ANXA11: variants seen among roughly 807,000 people sequenced by gnomAD.
ANXA11 encodes the protein annexin A11, also known as 56 kDa autoantigen.
Under a neutral mutation model 64.7 loss-of-function variants are expected in ANXA11, and 57 were observed. The ratio of observed to expected loss-of-function variants is 0.88; its 90% CI spans 0.71 to 1.10. ANXA11 has a LOEUF of 1.10. Ranked by LOEUF, ANXA11 falls within the 50% of genes least tolerant of loss-of-function variation. ANXA11 has a pLI of 0.00. For missense variants in ANXA11, 675 were observed against 670.7 expected (o/e 1.01, Z -0.07); for synonymous variants, 260 against 265.2 (o/e 0.98, Z 0.19).
chr10:80,152,423 T>C lies in ANXA11; in HGVS notation c.*3430A>G, dbSNP rs751740. The C allele has an allele frequency of 0.48, 72,660 of 152,202 alleles. 17,556 individuals carry two copies. Among genetic ancestry groups the C allele is most frequent in the South Asian group, 0.6 (2,901 of 4,822 alleles). 9.4% of individuals were successfully genotyped at this position (152,202 alleles called of 1,614,324 possible). The stretch of plus-strand genomic sequence containing the variant: ...GCCCATACTTAACATGGGTTGGATC[T>C]CTTGGGAGTGACCATGAGGGCAGCG... On this transcript the variant is annotated 3_prime_UTR_variant, in exon 16 of 16. Transcript: ENST00000422982.
intron 8 of ANXA11, among the ~76,000 whole-genome samples, chr10:80,165,607 G>A (rs61860024): frequency 0.11 from 17,203 of 152,194 alleles, 1,196 homozygotes; most frequent in South Asian, 0.24. Context: ...CGGGCGCTCA[G>A]GAGAGACAGA....
chr10:80,167,581 A>T (rs1845798461), intron 5 of ANXA11, among the ~76,000 whole-genome samples: 1 of 152,162 alleles, frequency 6.6e-6, no homozygotes, highest in South Asian at 2.1e-4. Context: ...AAATCTGCCC[A>T]GTGCCCAGGT....
chr10:80,189,079 G>A (rs1846663901), intron 1 of ANXA11, among the ~76,000 whole-genome samples: 1 of 152,178 alleles, frequency 6.6e-6, no homozygotes, highest in Non-Finnish European at 1.5e-5. Context: ...GTGGCAAAAG[G>A]GACTGTCCTG....
intron 1 of ANXA11, among the ~76,000 whole-genome samples, chr10:80,182,993 T>TGA (rs1846411086): frequency 6.6e-6 from 1 of 152,068 alleles, no homozygotes; most frequent in Admixed American, 6.5e-5. Context: ...GGTGAAGTGT[T>TGA]GAGAGTTTTG....
chr10:80,175,864 C>T (rs1846150000), intron 2 of ANXA11, among the ~76,000 whole-genome samples: 1 of 152,122 alleles, frequency 6.6e-6, no homozygotes, highest in South Asian at 2.1e-4. Flanking sequence ...CGAGACCAGC[C>T]TGGCCATGGT....
intron 4 of ANXA11, among the ~76,000 whole-genome samples, chr10:80,170,315 C>T (rs2573350): frequency 0.037 from 5,563 of 152,198 alleles, 120 homozygotes; most frequent in Non-Finnish European, 0.054. Flanking sequence ...ACTAAGCATA[C>T]GTTTGTTTTC....
intron 1 of ANXA11, among the ~76,000 whole-genome samples, chr10:80,193,642 G>C (rs1048890697): frequency 6.6e-6 from 1 of 151,694 alleles, no homozygotes; most frequent in Non-Finnish European, 1.5e-5. Context: ...CCAGGAGTTC[G>C]AGACCAGCCT....
At position 80,164,218 on chromosome 10, in the gene ANXA11, G is replaced by A. The variant is rs879209420; in HGVS notation, c.859-75C>T. 5 of 1,195,310 alleles carry A rather than the reference G, an allele frequency of 4.2e-6. No individual in the cohort carries two copies. The East Asian group carries it at 9.4e-5, about 23-fold the overall frequency. 74.0% of individuals were successfully genotyped at this position (1,195,310 alleles called of 1,614,324 possible). A position where few individuals can be genotyped will look rare whatever the true frequency, so the allele number is the denominator to read the frequency against. On this transcript the variant is annotated intron_variant, in intron 8 of 15. Transcript: ENST00000422982. ...ACCAGCACTCGGGAAGAAGGGTGGG[G>A]GCTACGCTGCTGCCTTAATCCCAGC...
chr10:80,156,265 AAC>A (rs1292832880), intron 15 of ANXA11: 3 of 398,646 alleles, frequency 7.5e-6, no homozygotes, highest in African/African-American at 6.2e-5. Flanking sequence ...AATGTAACGC[AAC>A]ACAGTGTCCT....
chr10:80,166,223 C>CA (rs759727424), intron 7 of ANXA11, 26 bp from the exon 8 acceptor site: 4 of 1,329,248 alleles, frequency 3.0e-6, no homozygotes, highest in South Asian at 1.3e-5. Context: ...AACAAACAAC[C>CA]AACAAAAAAA....
chr10:80,171,156 A>G (rs1380912139), intron 3 of ANXA11: 6 of 1,410,748 alleles, frequency 4.3e-6, no homozygotes, highest in Non-Finnish European at 5.6e-6. Flanking sequence ...AAACACTCCC[A>G]AGACCCTCTG....
chr10:80,155,890 C>T lies in ANXA11; in HGVS notation c.1481G>A (p.Arg494Gln), dbSNP rs1318489141. The change falls in exon 16 of 16, where the codon CGG (arginine) becomes CAG (glutamine). Residue 494 changes from arginine (R) to glutamine (Q), a missense_variant. Arg to Gln is a conservative substitution (Grantham distance 43). Coordinates refer to ENST00000422982, the MANE Select transcript of ANXA11 (RefSeq NM_145868.2). ...DISGDTSGDY[R>Q]KILLKICGGN... is the part of the protein sequence containing the mutation. ...ACCACAGATCTTCAGCAGAATCTTC[C>T]GGTAATCCCCTGAAGTATCTCCCTG... is the stretch of plus-strand genomic sequence containing the variant. The T allele has an allele frequency of 1.9e-5, 31 of 1,614,056 alleles. No individual in the cohort carries two copies. Among genetic ancestry groups the T allele is most frequent in the South Asian group, 4.4e-5 (4 of 91,082 alleles).
chr10:80,162,693 A>G (rs745438942), intron 11 of ANXA11, among the ~76,000 whole-genome samples: 18 of 152,196 alleles, frequency 1.2e-4, no homozygotes, highest in Non-Finnish European at 1.6e-4. Context: ...GATGGTAGAG[A>G]TAATTTAGAC....
chr10:80,205,083 C>A (rs1449977100), intron 1 of ANXA11, among the ~76,000 whole-genome samples: 1 of 151,920 alleles, frequency 6.6e-6, no homozygotes, highest in Non-Finnish European at 1.5e-5. Flanking sequence ...CCCGGGGGGA[C>A]GGCGAGTGCA....
In ANXA11 at chr10:80,169,295, C is replaced by T; in HGVS notation, c.235G>A (p.Gly79Arg). Reference protein sequence around the residue: ...NMPNLYPGAPGAGYPPVPPGG... With the variant: ...NMPNLYPGAPRAGYPPVPPGG... ...GGGGGCACTGGTGGGTAGCCAGCCC[C>T]AGGGGCCCCAGGGTACAGGTTGGGC... The change falls in exon 5 of 16, where the codon GGG (glycine) becomes AGG (arginine). Residue 79 changes from glycine to arginine, a missense_variant. Physicochemically the swap from Gly to Arg is moderately radical, Grantham distance 125. Coordinates refer to ENST00000422982, the MANE Select transcript of ANXA11 (RefSeq NM_145868.2). The T allele has an allele frequency of 1.2e-6, 2 of 1,611,006 alleles. No individual in the cohort carries two copies. Among genetic ancestry groups the T allele is most frequent in the South Asian group, 2.2e-5 (2 of 91,006 alleles).
intron 15 of ANXA11, 65 bp from the exon 16 acceptor site, chr10:80,155,977 C>T: frequency 6.5e-7 from 1 of 1,528,762 alleles, no homozygotes; most frequent in South Asian, 1.1e-5. Context: ...CTTCTGGGTC[C>T]TGATATTCAG....
At chr10:80,188,070 G>T (rs1244711128) in intron 1 of ANXA11, among the ~76,000 whole-genome samples, 1 of 152,032 alleles carries the variant, frequency 6.6e-6, no homozygotes, top group Non-Finnish European at 1.5e-5. Flanking sequence ...GAGCCTCACT[G>T]ACATTGGCTT....
Position 80,152,609 on chromosome 10 carries a change from A to C in ANXA11, c.*3244T>G, listed in dbSNP as rs1455484367. Reference sequence around the variant, plus strand: ...GCTGAAAGAAAACCTGGCGGGCCATAGGCAGGTAAAATGTAGTTTTATTCA... The same window carrying C: ...GCTGAAAGAAAACCTGGCGGGCCATCGGCAGGTAAAATGTAGTTTTATTCA... On this transcript the variant is annotated 3_prime_UTR_variant, in exon 16 of 16. Transcript: ENST00000422982. 1 of 152,342 alleles carries C rather than the reference A, an allele frequency of 6.6e-6. No individual in the cohort carries two copies. The highest frequency in any genetic ancestry group is 1.5e-5 in the Non-Finnish European group (1 of 68,118). 9.4% of individuals were successfully genotyped at this position (152,342 alleles called of 1,614,324 possible). A position where few individuals can be genotyped will look rare whatever the true frequency, so the allele number is the denominator to read the frequency against.
At chr10:80,205,785 C>G (rs1840655410), upstream of ANXA11, among the ~76,000 whole-genome samples, 1 of 152,194 alleles carries the variant, frequency 6.6e-6, no homozygotes, top group Admixed American at 6.5e-5. Context: ...TAAGTCCTCT[C>G]CAGCCCCGTG....
Sources: allele counts gnomAD v4.1 joint callset (sites outside exome capture counted in the v4.1 genomes callset), GRCh38; gene constraint gnomAD v4.1.1; transcripts MANE v1.5; gene names NCBI Gene and HGNC (gene_info 2026-07-23, HGNC 2026-07-21).